Variants in SNX8 observed in about 807,000 individuals in gnomAD.
The protein encoded by SNX8 is sorting nexin 8, also known as sorting nexin-8.
Under a neutral mutation model 51.6 loss-of-function variants are expected in SNX8, and 25 were observed. The ratio of observed to expected loss-of-function variants is 0.48; its 90% CI spans 0.35 to 0.68. The LOEUF is 0.68. Ranked by LOEUF, SNX8 falls within the 30% of genes least tolerant of loss-of-function variation. The probability of loss-of-function intolerance (pLI) is 0.00; values close to 1 mark genes in which losing one functional copy is unlikely to be tolerated. For missense variants in SNX8, 695 were observed against 624.0 expected, an observed-to-expected ratio of 1.11 and a Z score of -1.21; for synonymous variants, 324 against 277.0, an observed-to-expected ratio of 1.17 and a Z score of -1.68.
chr7:2,320,124 G>A (rs1796810177), intron 1 of SNX8, among the ~76,000 whole-genome samples: 1 of 152,172 alleles, frequency 6.6e-6, no homozygotes, highest in Non-Finnish European at 1.5e-5. Context: ...GGGAGCCTGA[G>A]GCAGGCGGAT....
At chr7:2,282,648 C>T (rs1395928203) in intron 1 of SNX8, among the ~76,000 whole-genome samples, 2 of 152,172 alleles carry the variant, frequency 1.3e-5, no homozygotes, top group Non-Finnish European at 2.9e-5. Flanking sequence ...GCTGACATCT[C>T]GGGCCTCCCA....
chr7:2,319,848 C>T (rs568787209), intron 1 of SNX8, among the ~76,000 whole-genome samples: 13 of 149,072 alleles, frequency 8.7e-5, no homozygotes, highest in Admixed American at 1.3e-4. Flanking sequence ...GGTGTGGTGG[C>T]GGGCGCCTGT....
chr7:2,330,588 T>G (rs991347527), intron 1 of SNX8, among the ~76,000 whole-genome samples: 1 of 152,106 alleles, frequency 6.6e-6, no homozygotes, highest in African/African-American at 2.4e-5. Flanking sequence ...CCCAGACTTG[T>G]GATCAGGGTC....
chr7:2,274,029 G>T (rs145406148), intron 3 of SNX8, among the ~76,000 whole-genome samples: 172 of 152,318 alleles, frequency 1.1e-3, no homozygotes, highest in Middle Eastern at 6.8e-3. Flanking sequence ...ATGCGCAAGC[G>T]GCCCAGCGCG....
chr7:2,258,139 T>TAGCTG (rs995424879), intron 7 of SNX8, among the ~76,000 whole-genome samples: 23 of 151,446 alleles, frequency 1.5e-4, no homozygotes, highest in Admixed American at 5.9e-4. Context: ...GCCTCCCGAG[T>TAGCTG]AGCTGGGACT....
At chr7:2,346,380 A>G (rs1299360220) in intron 1 of SNX8, among the ~76,000 whole-genome samples, 1 of 151,914 alleles carries the variant, frequency 6.6e-6, no homozygotes, top group Non-Finnish European at 1.5e-5. Context: ...CAGGAGGTCA[A>G]GGCTGCTCTG....
chr7:2,341,288 C>T (rs1778919224), intron 1 of SNX8, among the ~76,000 whole-genome samples: 1 of 152,096 alleles, frequency 6.6e-6, no homozygotes, highest in South Asian at 2.1e-4. Flanking sequence ...CGCTTGAGGC[C>T]AGGGATTTCA....
At chr7:2,345,397 C>T (rs778632800) in intron 1 of SNX8, among the ~76,000 whole-genome samples, 1 of 152,060 alleles carries the variant, frequency 6.6e-6, no homozygotes, top group Non-Finnish European at 1.5e-5. Context: ...GAAATCTGGC[C>T]AGGCACAGTG....
chr7:2,261,019 C>A (rs1265909569), intron 7 of SNX8, among the ~76,000 whole-genome samples: 1 of 152,250 alleles, frequency 6.6e-6, no homozygotes, highest in Non-Finnish European at 1.5e-5. Context: ...TCTGGGCACC[C>A]CGCCAACAGC....
intron 6 of SNX8, among the ~76,000 whole-genome samples, chr7:2,263,628 G>C (rs1310488089): frequency 6.6e-6 from 1 of 152,208 alleles, no homozygotes; most frequent in Non-Finnish European, 1.5e-5. Flanking sequence ...GCACTGCTGG[G>C]GCAAGCAGAG....
At chr7:2,303,907 C>A (rs1796477687) in intron 1 of SNX8, among the ~76,000 whole-genome samples, 1 of 151,404 alleles carries the variant, frequency 6.6e-6, no homozygotes, top group African/African-American at 2.4e-5. Flanking sequence ...GTCCTATGAC[C>A]CTGCCAAATC....
At chr7:2,351,350 A>G (rs1229566824) in intron 1 of SNX8, among the ~76,000 whole-genome samples, 3 of 152,134 alleles carry the variant, frequency 2.0e-5, no homozygotes, top group Non-Finnish European at 4.4e-5. Context: ...CCAGGAGTTG[A>G]AGACCAGACT....
At chr7:2,258,985 G>A (rs895559528) in intron 7 of SNX8, among the ~76,000 whole-genome samples, 6 of 152,058 alleles carry the variant, frequency 3.9e-5, no homozygotes, top group South Asian at 2.1e-4. Flanking sequence ...ACGCTGCCTC[G>A]GCCTCCCCGG....
chr7:2,324,222 GTTAC>G (rs748647953), intron 1 of SNX8, among the ~76,000 whole-genome samples: 14 of 151,644 alleles, frequency 9.2e-5, no homozygotes, highest in Non-Finnish European at 1.8e-4. Context: ...AGGCAGGAGG[GTTAC>G]TTGAGCCCAG....
At position 2,303,441 on chromosome 7, in the gene SNX8, C is replaced by A. The variant is rs570713530; in HGVS notation, c.94+10887G>T. On this transcript the variant is annotated intron_variant, in intron 1 of 10. Coordinates refer to ENST00000222990, the MANE Select transcript of SNX8 (RefSeq NM_013321.4). ...GAGCCCCTCTGCCCGGCCACCACCC[C>A]GTCTGGGAGGTGTACTCAACAGCTC... is the stretch of plus-strand genomic sequence containing the variant. Among the ~76,000 whole-genome samples the A allele has an allele frequency of 2.0e-5, 3 of 152,346 alleles. No individual in the cohort carries two copies. In the East Asian group the frequency reaches 5.8e-4, roughly 29 times the overall value.
chr7:2,323,892 G>C (rs986611780), intron 1 of SNX8, among the ~76,000 whole-genome samples: 7 of 151,900 alleles, frequency 4.6e-5, no homozygotes, highest in African/African-American at 1.7e-4. Flanking sequence ...TGCAACCTCA[G>C]GTGGATCACC....
intron 1 of SNX8, among the ~76,000 whole-genome samples, chr7:2,302,767 T>C (rs1006884865): frequency 7.4e-6 from 1 of 134,960 alleles, no homozygotes; most frequent in African/African-American, 2.8e-5. Flanking sequence ...CCGTCTGGGA[T>C]GTGAGGAGCG....
At chr7:2,303,324 G>A (rs1228210049) in intron 1 of SNX8, among the ~76,000 whole-genome samples, 108 of 151,182 alleles carry the variant, frequency 7.1e-4, no homozygotes, top group African/African-American at 2.5e-3. Context: ...CCGTCCGGGA[G>A]GGAGGTGGAG....
chr7:2,326,385 G>T (rs530147784), intron 1 of SNX8, among the ~76,000 whole-genome samples: 9 of 151,952 alleles, frequency 5.9e-5, no homozygotes, highest in African/African-American at 2.2e-4. Flanking sequence ...AATAAAAGGG[G>T]CCGGGCACGG....
Sources: allele counts gnomAD v4.1 joint callset (sites outside exome capture counted in the v4.1 genomes callset), GRCh38; gene constraint gnomAD v4.1.1; transcripts MANE v1.5; gene names NCBI Gene and HGNC (gene_info 2026-07-23, HGNC 2026-07-21).